Variants in GRAP observed in about 807,000 individuals in gnomAD.
GRAP encodes the protein GRB2 related adaptor protein.
A neutral mutation model predicts 9.1 loss-of-function variants in GRAP; 2 were observed. The observed-to-expected ratio is 0.22, with a 90% CI of 0.09 to 0.69. GRAP has a LOEUF of 0.69. GRAP is among the 30% of genes least tolerant of loss of function. The pLI is 0.81. For missense variants in GRAP, 113 were observed against 179.4 expected (o/e 0.63, Z 2.12); for synonymous variants, 68 against 73.6 (o/e 0.92, Z 0.39).
intron 4 of GRAP, among the ~76,000 whole-genome samples, chr17:19,023,401 C>T (rs1160876777): frequency 6.6e-6 from 1 of 152,182 alleles, no homozygotes; most frequent in East Asian, 1.9e-4. Context: ...CTTGGCCACA[C>T]TCCCCATCTC....
chr17:19,048,159 CAAAAAA>C (rs1172041782), upstream of GRAP, among the ~76,000 whole-genome samples: 1 of 109,040 alleles, frequency 9.2e-6, no homozygotes. Flanking sequence ...GTCTCCTTCT[CAAAAAA>C]AAAAAAAAAA....
intron 4 of GRAP, 138 bp from the exon 5 acceptor site, chr17:19,022,282 GAT>G: frequency 2.0e-6 from 1 of 510,316 alleles, no homozygotes; most frequent in Non-Finnish European, 3.5e-6. Flanking sequence ...TTTAAGTCCA[GAT>G]CAATGGTAGT....
Position 19,024,239 on chromosome 17 carries a change from C to G in GRAP, c.444G>C (p.Leu148=). ...TTIAKKRQIF[L]RDEEPLLKSP... The stretch of plus-strand genomic sequence containing the variant: ...CCTTGAGCAAGGGCTCCTCGTCGCG[C>G]AGGAAGATCTGCCGCTTCTTGGCGA... The change falls in exon 4 of 5, where the codon CTG becomes CTC. Residue 148 remains leucine (L), a synonymous_variant. Coordinates refer to ENST00000284154, the MANE Select transcript of GRAP (RefSeq NM_006613.4). This position sits in a 1 kb window ranked among gnomAD's most constrained non-coding sequence, Gnocchi z 4.2. The G allele has an allele frequency of 6.3e-7, 1 of 1,598,024 alleles. No homozygotes were observed. Among genetic ancestry groups the G allele is most frequent in the Non-Finnish European group, 8.5e-7 (1 of 1,172,434 alleles).
Position 19,024,481 on chromosome 17 carries a change from C to G in GRAP, c.300-98G>C. ...TCACTACCACCTGGAACCAGCCTGT[C>G]TCACGGTGGGACCTGGAGTCAGATA... On this transcript the variant is annotated intron_variant, in intron 3 of 4. Coordinates refer to ENST00000284154, the MANE Select transcript of GRAP (RefSeq NM_006613.4). This position sits in a 1 kb window ranked among gnomAD's most constrained non-coding sequence, Gnocchi z 4.2. 1 of 1,495,948 alleles carries G rather than the reference C, an allele frequency of 6.7e-7. No individual in the cohort carries two copies. Among genetic ancestry groups the G allele is most frequent in the Non-Finnish European group, 8.9e-7 (1 of 1,120,130 alleles). The allele number at this position is 1,495,948 out of a possible 1,614,324, so 92.7% of individuals were successfully genotyped here. A position where few individuals can be genotyped will look rare whatever the true frequency, so the allele number is the denominator to read the frequency against.
At position 19,024,119 on chromosome 17, in the gene GRAP, C is replaced by G. The variant is rs2044294240; in HGVS notation, c.468+96G>C. ...TACCAGGCTGCTGGGGAAGTGAGAC[C>G]AGGCCCGTGCTTGGCCTCAGTGTCA... is the stretch of plus-strand genomic sequence containing the variant. On this transcript the variant is annotated intron_variant, in intron 4 of 4. Transcript: ENST00000284154. This position sits in a 1 kb window ranked among gnomAD's most constrained non-coding sequence, Gnocchi z 4.2. 8.0e-7 allele frequency: 1 copy of G among 1,243,962 alleles called. No individual in the cohort carries two copies. The highest frequency in any genetic ancestry group is 1.1e-6 in the Non-Finnish European group (1 of 883,108). 77.1% of individuals were successfully genotyped at this position (1,243,962 alleles called of 1,614,324 possible). A position where few individuals can be genotyped will look rare whatever the true frequency, so the allele number is the denominator to read the frequency against.
At chr17:19,023,419 G>C (rs894324802) in intron 4 of GRAP, among the ~76,000 whole-genome samples, 6 of 152,042 alleles carry the variant, frequency 3.9e-5, no homozygotes, top group African/African-American at 1.4e-4. Flanking sequence ...CTCCTCTGCA[G>C]AGCCCAAGCT....
upstream of GRAP, among the ~76,000 whole-genome samples, chr17:19,051,048 A>G (rs1243087930): frequency 6.9e-6 from 1 of 144,760 alleles, no homozygotes; most frequent in African/African-American, 2.4e-5. Flanking sequence ...CAGAAAAAAA[A>G]AAAAAAAAGA....
At position 19,024,114 on chromosome 17, in the gene GRAP, G is replaced by A; in HGVS notation, c.468+101C>T. On this transcript the variant is annotated intron_variant, in intron 4 of 4. Transcript: ENST00000284154. This position sits in a 1 kb window ranked among gnomAD's most constrained non-coding sequence, Gnocchi z 4.2. ...TGCAATACCAGGCTGCTGGGGAAGT[G>A]AGACCAGGCCCGTGCTTGGCCTCAG... The A allele has an allele frequency of 1.7e-6, 2 of 1,200,352 alleles. No individual in the cohort carries two copies. The highest frequency in any genetic ancestry group is 2.4e-6 in the Non-Finnish European group (2 of 847,828). The allele number at this position is 1,200,352 out of a possible 1,614,324, so 74.4% of individuals were successfully genotyped here.
chr17:19,024,133 G>A lies in GRAP; in HGVS notation c.468+82C>T, dbSNP rs1662828269. On this transcript the variant is annotated intron_variant, in intron 4 of 4. Transcript: ENST00000284154. The surrounding 1 kb of genome is among the most constrained non-coding windows in gnomAD (Gnocchi z 4.2). ...GGAAGTGAGACCAGGCCCGTGCTTG[G>A]CCTCAGTGTCAGCATCTCCCCTGCT... 6.6e-6 allele frequency: 9 copies of A among 1,368,162 alleles called. No individual in the cohort carries two copies. Among genetic ancestry groups the A allele is most frequent in the Non-Finnish European group, 8.1e-6 (8 of 989,168 alleles). 84.8% of individuals were successfully genotyped at this position (1,368,162 alleles called of 1,614,324 possible). A position where few individuals can be genotyped will look rare whatever the true frequency, so the allele number is the denominator to read the frequency against.
At position 19,021,859 on chromosome 17, in the gene GRAP, T is replaced by G; in HGVS notation, c.*100A>C. Reference sequence around the variant, plus strand: ...CCACGTTCAGTCCAAGGCCGTCCACTGAGCCCCGTGTGACTCTGACAGAGC... The same window carrying G: ...CCACGTTCAGTCCAAGGCCGTCCACGGAGCCCCGTGTGACTCTGACAGAGC... On this transcript the variant is annotated 3_prime_UTR_variant, in exon 5 of 5. Coordinates refer to ENST00000284154, the MANE Select transcript of GRAP (RefSeq NM_006613.4). The surrounding 1 kb of genome is among the most constrained non-coding windows in gnomAD (Gnocchi z 4.1). The G allele has an allele frequency of 3.9e-6, 5 of 1,277,210 alleles. No homozygotes were observed. Among genetic ancestry groups the G allele is most frequent in the South Asian group, 1.7e-5 (1 of 57,488 alleles). 79.1% of individuals were successfully genotyped at this position (1,277,210 alleles called of 1,614,324 possible). A position where few individuals can be genotyped will look rare whatever the true frequency, so the allele number is the denominator to read the frequency against.
intron 3 of GRAP, among the ~76,000 whole-genome samples, chr17:19,027,480 G>A (rs62066654): frequency 0.021 from 1,477 of 69,180 alleles, 72 homozygotes; most frequent in East Asian, 0.1. Context: ...GCGCGCGCGC[G>A]CGCGCACACA....
intron 3 of GRAP, among the ~76,000 whole-genome samples, chr17:19,027,939 TG>T (rs960034870): frequency 2.1e-5 from 3 of 141,282 alleles, no homozygotes; most frequent in African/African-American, 2.6e-5. Flanking sequence ...TGGAGTGCAA[TG>T]GTGCGATCTC....
intron 3 of GRAP, chr17:19,032,170 C>T (rs1304791677): frequency 2.7e-5 from 4 of 150,210 alleles, no homozygotes; most frequent in African/African-American, 4.9e-5. Flanking sequence ...ACACACCCCT[C>T]GCTTCCCCAC....
At chr17:19,048,353 G>A (rs1188960010), upstream of GRAP, among the ~76,000 whole-genome samples, 7 of 95,408 alleles carry the variant, frequency 7.3e-5, no homozygotes, top group Admixed American at 1.2e-4. Flanking sequence ...AGACACAGAC[G>A]TGGAAGGAAA....
In GRAP at chr17:19,024,396, A is replaced by G; in HGVS notation, c.300-13T>C. 1 of 1,606,884 alleles carries G rather than the reference A, an allele frequency of 6.2e-7. No individual in the cohort carries two copies. The highest frequency in any genetic ancestry group is 8.5e-7 in the Non-Finnish European group (1 of 1,176,794). ...CTGGTCTCCATAGCTAGGGGAAAGG[A>G]CCCGGGGCCACCTCAGGTGGTGGCC... On this transcript the variant is annotated splice_polypyrimidine_tract_variant and intron_variant, in intron 3 of 4. Transcript: ENST00000284154. The surrounding 1 kb of genome is among the most constrained non-coding windows in gnomAD (Gnocchi z 4.2).
chr17:19,022,740 A>C (rs1276220269), intron 4 of GRAP: 1 of 152,374 alleles, frequency 6.6e-6, no homozygotes. Context: ...GCAGGACAGG[A>C]GCTCTCTGCA....
intron 4 of GRAP, among the ~76,000 whole-genome samples, chr17:19,023,962 C>T (rs1423220307): frequency 1.3e-5 from 2 of 152,128 alleles, no homozygotes; most frequent in Non-Finnish European, 2.9e-5. Flanking sequence ...ACAAGCTAGA[C>T]AGTTTGTCCC....
chr17:19,027,471 C>CACGT (rs1834273414), intron 3 of GRAP, among the ~76,000 whole-genome samples: 1 of 103,910 alleles, frequency 9.6e-6, no homozygotes, highest in East Asian at 7.5e-4. Context: ...GGGACACATG[C>CACGT]GCGCGCGCGC....
chr17:19,022,539 G>A (rs1165227042), intron 4 of GRAP: 1 of 193,078 alleles, frequency 5.2e-6, no homozygotes, highest in Admixed American at 6.1e-5. Context: ...ATGAGAATGG[G>A]CCTTATAAAC....
Sources: gnomAD v4.1 joint callset for allele counts (sites outside exome capture counted in the v4.1 genomes callset) on GRCh38, gnomAD v4.1.1 for gene constraint, Gnocchi (gnomAD v3.1) non-coding constraint, MANE v1.5 for transcripts, NCBI Gene and HGNC (gene_info 2026-07-23, HGNC 2026-07-21) for gene names.